PSMD14: variants seen among roughly 807,000 people sequenced by gnomAD.
The protein encoded by PSMD14 is ubiquitin C-terminal hydrolase PSMD14.
A neutral mutation model predicts 41.2 loss-of-function variants in PSMD14; 7 were observed. That is an observed-to-expected ratio of 0.17 (90% CI 0.10 to 0.32). PSMD14 has a LOEUF of 0.32. Ranked by LOEUF, PSMD14 falls within the 10% of genes least tolerant of loss-of-function variation. The probability of loss-of-function intolerance (pLI) is 1.00; values close to 1 mark genes in which losing one functional copy is unlikely to be tolerated. For missense variants in PSMD14, 139 were observed against 375.6 expected, an observed-to-expected ratio of 0.37 and a Z score of 5.21; for synonymous variants, 114 against 122.3, an observed-to-expected ratio of 0.93 and a Z score of 0.45.
At chr2:161,369,743 A>G (rs1317397536) in intron 5 of PSMD14, among the ~76,000 whole-genome samples, 1 of 152,078 alleles carries the variant, frequency 6.6e-6, no homozygotes, top group East Asian at 1.9e-4. Flanking sequence ...ACTTTGGATG[A>G]GGCTCATTTT....
intron 3 of PSMD14, among the ~76,000 whole-genome samples, chr2:161,365,367 T>C (rs1014346913): frequency 1.3e-5 from 2 of 152,198 alleles, no homozygotes; most frequent in Non-Finnish European, 2.9e-5. Flanking sequence ...TCAGTACTTA[T>C]TAAGTTCTTA....
intron 3 of PSMD14, among the ~76,000 whole-genome samples, chr2:161,321,157 G>C (rs984922907): frequency 1.1e-4 from 17 of 152,138 alleles, no homozygotes; most frequent in Admixed American, 1.1e-3. Context: ...AAAATCAGTG[G>C]GAAATGTTAT....
intron 3 of PSMD14, among the ~76,000 whole-genome samples, chr2:161,346,987 G>C (rs1683053406): frequency 6.6e-6 from 1 of 151,900 alleles, no homozygotes; most frequent in South Asian, 2.1e-4. Flanking sequence ...TTTTTTCTGT[G>C]GTACTCTGTC....
rs113652522 is a variant in PSMD14 at position 161,374,172 on chromosome 2, A to G, written c.462+2850A>G. ...CAGAGTAACTGCAGAATGCAAAATG[A>G]ATACCAGAGGTCATTGTGAGGCCAT... On this transcript the variant is annotated intron_variant, in intron 7 of 11. Transcript: ENST00000409682. 1.1e-3 allele frequency among the ~76,000 whole-genome samples: 172 copies of G among 152,084 alleles called. 2 individuals carry two copies. Among genetic ancestry groups the G allele is most frequent in the African/African-American group, 3.9e-3 (164 of 41,542 alleles).
chr2:161,363,464 T>G (rs1027088194), intron 3 of PSMD14, among the ~76,000 whole-genome samples: 1 of 152,234 alleles, frequency 6.6e-6, no homozygotes, highest in Non-Finnish European at 1.5e-5. Flanking sequence ...TTTTCATCTT[T>G]TTATCTTGGT....
intron 3 of PSMD14, among the ~76,000 whole-genome samples, chr2:161,349,490 T>C (rs1182313934): frequency 6.6e-6 from 1 of 152,208 alleles, no homozygotes; most frequent in Admixed American, 6.5e-5. Context: ...TGTGTGTGTT[T>C]GGTAGTCTTT....
intron 10 of PSMD14, among the ~76,000 whole-genome samples, chr2:161,398,510 A>G (rs1683832654): frequency 6.6e-6 from 1 of 152,006 alleles, no homozygotes; most frequent in Admixed American, 6.6e-5. Context: ...CAAGTCTCCT[A>G]ATTTATTCAT....
At chr2:161,394,928 T>TAGG (rs1683770626) in intron 9 of PSMD14, 150 bp from the exon 10 acceptor site, 1 of 680,344 alleles carries the variant, frequency 1.5e-6, no homozygotes, top group Admixed American at 3.6e-5. Context: ...AATACAAATA[T>TAGG]AGGAGCATTC....
chr2:161,402,642 TAAAC>T (rs1326791505), intron 10 of PSMD14, among the ~76,000 whole-genome samples: 3 of 150,598 alleles, frequency 2.0e-5, no homozygotes, highest in African/African-American at 7.3e-5. Flanking sequence ...CTCTGTCTCT[TAAAC>T]AAAACAAAAC....
rs1553508201 is a variant in PSMD14, at chr2:161,389,891, T to TG, written c.571-1213_571-1212insG. Among the ~76,000 whole-genome samples, 357 of 71,880 alleles carry TG rather than the reference T, an allele frequency of 5.0e-3. 46 individuals carry two copies. Among genetic ancestry groups the TG allele is most frequent in the African/African-American group, 8.4e-3 (145 of 17,314 alleles). 47.2% of individuals were successfully genotyped at this position (71,880 alleles called of 152,430 possible). ...TCTTATTTTCTTTCTTTTTTGTTGT[T>TG]TTTTTTTTTTTTTTTTTTTTTAGAG... On this transcript the variant is annotated intron_variant, in intron 8 of 11. Transcript: ENST00000409682.
intron 6 of PSMD14, among the ~76,000 whole-genome samples, 153 bp from the exon 7 acceptor site, chr2:161,371,019 G>A (rs1574133409): frequency 6.6e-6 from 1 of 152,236 alleles, no homozygotes; most frequent in South Asian, 2.1e-4. Flanking sequence ...GGATAATATG[G>A]TGTACAATTT....
At chr2:161,330,839 A>G (rs770571524) in intron 3 of PSMD14, among the ~76,000 whole-genome samples, 8 of 152,208 alleles carry the variant, frequency 5.3e-5, no homozygotes, top group Non-Finnish European at 8.8e-5. Flanking sequence ...AAAAATTATG[A>G]TAGTTGTACT....
At chr2:161,383,379 G>A (rs1683593135) in intron 7 of PSMD14, 1 of 151,826 alleles carries the variant, frequency 6.6e-6, no homozygotes, top group Non-Finnish European at 1.5e-5. Flanking sequence ...TGCTACTCAG[G>A]AATTGTCAAT....
intron 7 of PSMD14, chr2:161,381,295 A>G (rs1050017718): frequency 9.9e-5 from 15 of 150,830 alleles, no homozygotes; most frequent in Non-Finnish European, 1.3e-4. Context: ...ACTTGAGGTT[A>G]TGGAAGATTC....
chr2:161,335,067 T>C (rs1682849544), intron 3 of PSMD14, among the ~76,000 whole-genome samples: 1 of 152,260 alleles, frequency 6.6e-6, no homozygotes, highest in South Asian at 2.1e-4. Context: ...GAGCCTTTTA[T>C]GCTTCTAATT....
At chr2:161,373,043 T>C (rs1683460795) in intron 7 of PSMD14, among the ~76,000 whole-genome samples, 1 of 151,844 alleles carries the variant, frequency 6.6e-6, no homozygotes, top group South Asian at 2.1e-4. Context: ...AATGAGTATG[T>C]ATTTTATTTT....
rs113490237 is a variant in PSMD14, at chr2:161,310,983, A to G, written c.-138+2379A>G. On this transcript the variant is annotated intron_variant, in intron 1 of 11. Coordinates refer to ENST00000409682, the MANE Select transcript of PSMD14 (RefSeq NM_005805.6). Reference sequence around the variant, plus strand: ...TTTGGGTTCCGCATCTGTAGATTCAACCAACTACAAATTGAAAATATTTGG... The same window carrying G: ...TTTGGGTTCCGCATCTGTAGATTCAGCCAACTACAAATTGAAAATATTTGG... 1.1e-3 allele frequency among the ~76,000 whole-genome samples: 171 copies of G among 152,280 alleles called. 2 individuals are homozygous for G. Among genetic ancestry groups the G allele is most frequent in the African/African-American group, 3.9e-3 (163 of 41,562 alleles).
intron 7 of PSMD14, among the ~76,000 whole-genome samples, chr2:161,380,558 TC>T (rs1436513831): frequency 6.6e-6 from 1 of 152,010 alleles, no homozygotes; most frequent in African/African-American, 2.4e-5. Context: ...GTACTACAGA[TC>T]TTTAGCTACA....
intron 7 of PSMD14, among the ~76,000 whole-genome samples, chr2:161,373,998 A>AT (rs1381393154): frequency 4.6e-5 from 7 of 151,888 alleles, no homozygotes; most frequent in Admixed American, 3.9e-4. Context: ...AAAAAAAAAA[A>AT]TTAGGGCCAA....
Sources: allele counts gnomAD v4.1 joint callset (sites outside exome capture counted in the v4.1 genomes callset), GRCh38; gene constraint gnomAD v4.1.1; transcripts MANE v1.5; gene names NCBI Gene and HGNC (gene_info 2026-07-23, HGNC 2026-07-21).